Variants in FHIT observed in about 807,000 individuals in gnomAD.
FHIT encodes the protein fragile histidine triad diadenosine triphosphatase.
A neutral mutation model predicts 17.9 loss-of-function variants in FHIT; 19 were observed. The ratio of observed to expected loss-of-function variants is 1.06; its 90% confidence interval spans 0.74 to 1.56. FHIT has a LOEUF of 1.56. Ranked by LOEUF, FHIT falls within the 40% of genes most tolerant of loss-of-function variation. FHIT has a pLI of 0.00. For missense variants in FHIT, 248 were observed against 189.2 expected (o/e 1.31, Z -1.82); for synonymous variants, 81 against 69.7 (o/e 1.16, Z -0.81).
At chr3:60,701,174 A>C (rs1044759331) in intron 4 of FHIT, among the ~76,000 whole-genome samples, 1 of 136,210 alleles carries the variant, frequency 7.3e-6, no homozygotes, top group Non-Finnish European at 1.5e-5. Flanking sequence ...TCCAGGCTGG[A>C]GTGCAGGGGA....
At chr3:60,077,195 C>T (rs1387242458) in intron 5 of FHIT, among the ~76,000 whole-genome samples, 2 of 151,936 alleles carry the variant, frequency 1.3e-5, no homozygotes, top group South Asian at 2.1e-4. Context: ...GGACTTATTA[C>T]AGGATTGAAA....
At chr3:59,811,840 C>T (rs1207299342) in intron 8 of FHIT, among the ~76,000 whole-genome samples, 1 of 152,170 alleles carries the variant, frequency 6.6e-6, no homozygotes, top group African/African-American at 2.4e-5. Context: ...TAATACTATT[C>T]AAGAGCAAGG....
chr3:61,091,941 A>G (rs1362648166), intron 2 of FHIT, among the ~76,000 whole-genome samples: 1 of 148,530 alleles, frequency 6.7e-6, no homozygotes, highest in African/African-American at 2.5e-5. Flanking sequence ...TTGTCTAAAA[A>G]AAAAAAAAAA....
intron 4 of FHIT, among the ~76,000 whole-genome samples, chr3:60,632,263 C>A (rs548772466): frequency 6.6e-6 from 1 of 152,096 alleles, no homozygotes; most frequent in Non-Finnish European, 1.5e-5. Context: ...TCTCTGATTT[C>A]TGCCAGGAGT....
chr3:60,325,189 T>C (rs552448855), intron 5 of FHIT, among the ~76,000 whole-genome samples: 1 of 152,322 alleles, frequency 6.6e-6, no homozygotes, highest in East Asian at 1.9e-4. Flanking sequence ...TGTAGAAATA[T>C]GAAGCCATGC....
At chr3:60,392,331 A>C (rs1005729884) in intron 5 of FHIT, among the ~76,000 whole-genome samples, 1 of 152,208 alleles carries the variant, frequency 6.6e-6, no homozygotes. Context: ...CAAGAAGCTT[A>C]TGGGGGCAAT....
chr3:60,391,196 A>G (rs1701219718), intron 5 of FHIT, among the ~76,000 whole-genome samples: 1 of 45,142 alleles, frequency 2.2e-5, no homozygotes, highest in Non-Finnish European at 5.8e-5. Context: ...ACAAAACAAA[A>G]CAAAAAACAA....
At chr3:60,089,391 G>A (rs1703634654) in intron 5 of FHIT, among the ~76,000 whole-genome samples, 1 of 152,078 alleles carries the variant, frequency 6.6e-6, no homozygotes, top group African/African-American at 2.4e-5. Flanking sequence ...ATGATTCCCT[G>A]TCCATTGTTG....
At chr3:60,921,168 A>G (rs1707260238) in intron 3 of FHIT, among the ~76,000 whole-genome samples, 1 of 152,178 alleles carries the variant, frequency 6.6e-6, no homozygotes. Flanking sequence ...GTAAAATTCC[A>G]AAGGTGGACC....
chr3:60,707,654 T>A (rs1170425477), intron 4 of FHIT, among the ~76,000 whole-genome samples: 1 of 152,214 alleles, frequency 6.6e-6, no homozygotes, highest in African/African-American at 2.4e-5. Flanking sequence ...AAGTGCCAAT[T>A]ACTGTTCTGT....
intron 5 of FHIT, among the ~76,000 whole-genome samples, chr3:60,145,320 G>T (rs1210645417): frequency 5.3e-5 from 8 of 152,146 alleles, no homozygotes; most frequent in Non-Finnish European, 1.2e-4. Flanking sequence ...CACATTATAT[G>T]TAAATTATGT....
chr3:60,227,974 G>T (rs1350711001), intron 5 of FHIT, among the ~76,000 whole-genome samples: 4 of 152,176 alleles, frequency 2.6e-5, no homozygotes, highest in African/African-American at 9.7e-5. Context: ...GCTGGAGATA[G>T]TTGCAAGAGG....
At chr3:60,585,934 C>T (rs939691389) in intron 4 of FHIT, among the ~76,000 whole-genome samples, 21 of 151,726 alleles carry the variant, frequency 1.4e-4, no homozygotes, top group African/African-American at 4.6e-4. Flanking sequence ...TATTAATGTA[C>T]ATCAGAACTC....
At chr3:60,453,727 C>T (rs750807517) in intron 5 of FHIT, among the ~76,000 whole-genome samples, 20 of 152,090 alleles carry the variant, frequency 1.3e-4, no homozygotes, top group African/African-American at 2.4e-4. Context: ...AATGAGATGA[C>T]GATGCAAATC....
intron 5 of FHIT, among the ~76,000 whole-genome samples, chr3:60,422,415 T>G (rs1702511548): frequency 6.6e-6 from 1 of 152,146 alleles, no homozygotes; most frequent in Non-Finnish European, 1.5e-5. Context: ...CTTCAATGCT[T>G]TTTCCTTTCA....
chr3:60,825,019 G>C (rs1287254619), intron 3 of FHIT, among the ~76,000 whole-genome samples: 2 of 152,134 alleles, frequency 1.3e-5, no homozygotes, highest in Admixed American at 1.3e-4. Flanking sequence ...ATTTCTATCA[G>C]ACTAGTTAAC....
intron 3 of FHIT, among the ~76,000 whole-genome samples, chr3:60,883,853 T>C (rs1705084854): frequency 6.6e-6 from 1 of 152,058 alleles, no homozygotes; most frequent in Non-Finnish European, 1.5e-5. Flanking sequence ...AAGGTTAAAA[T>C]AGACAAATGG....
At position 60,069,032 on chromosome 3, in the gene FHIT, A is replaced by C. The variant is rs544428753; in HGVS notation, c.104-54880T>G. Among the ~76,000 whole-genome samples the C allele has an allele frequency of 3.4e-4, 52 of 152,318 alleles. 1 individual carries two copies. The South Asian group carries it at 0.011, about 31-fold the overall frequency. On this transcript the variant is annotated intron_variant, in intron 5 of 9. Coordinates refer to ENST00000492590, the MANE Select transcript of FHIT (RefSeq NM_002012.4). ...AAGAATGAGTAAACTTGTAATTGCT[A>C]TCCTAAGGACAAAGCTCCAAAACAT...
chr3:60,399,554 C>T lies in FHIT; in HGVS notation c.103+137306G>A, dbSNP rs113804442. On this transcript the variant is annotated intron_variant, in intron 5 of 9. Transcript: ENST00000492590. ...AGTATAGAAACACCTATTTCGTGGT[C>T]GGTAGGCAGTTTAACAATCACATAC... is the stretch of plus-strand genomic sequence containing the variant. Among the ~76,000 whole-genome samples, 903 of 152,184 alleles carry T rather than the reference C, an allele frequency of 5.9e-3. 7 individuals carry two copies. The highest frequency in any genetic ancestry group is 0.017 in the Middle Eastern group (5 of 294).
Sources: gnomAD v4.1 joint callset for allele counts (sites outside exome capture counted in the v4.1 genomes callset) on GRCh38, gnomAD v4.1.1 for gene constraint, MANE v1.5 for transcripts, NCBI Gene and HGNC (gene_info 2026-07-23, HGNC 2026-07-21) for gene names.